FBXW4: variants seen among roughly 807,000 people sequenced by gnomAD.
FBXW4 encodes F-box and WD repeat domain containing 4, also known as F-box/WD repeat-containing protein 4.
In FBXW4, 40 loss-of-function variants were observed where a neutral mutation model predicts 61.8. The ratio of observed to expected loss-of-function variants is 0.65; its 90% CI spans 0.50 to 0.84. The LOEUF (loss-of-function observed/expected upper bound fraction) is 0.84, where lower values mean the gene tolerates loss of function less well. Ranked by LOEUF, FBXW4 falls within the 40% of genes least tolerant of loss-of-function variation. The pLI is 0.00. For synonymous variants in FBXW4, 311 were observed against 313.8 expected (o/e 0.99, Z 0.10); for missense variants, 672 against 753.8 (o/e 0.89, Z 1.27).
intron 1 of FBXW4, among the ~76,000 whole-genome samples, chr10:101,693,147 G>A (rs12262279): frequency 0.027 from 4,051 of 152,228 alleles, 188 homozygotes; most frequent in African/African-American, 0.089. Flanking sequence ...CCACTAAAGT[G>A]GCAAAGATTT....
intron 5 of FBXW4, among the ~76,000 whole-genome samples, chr10:101,636,817 G>C (rs1317902824): frequency 6.6e-6 from 1 of 152,024 alleles, no homozygotes; most frequent in East Asian, 1.9e-4. Context: ...CCGAACTCCT[G>C]ACCTCAGGTG....
chr10:101,624,662 A>T, intron 6 of FBXW4, 83 bp downstream of exon 6: 3 of 1,486,082 alleles, frequency 2.0e-6, no homozygotes, highest in Non-Finnish European at 1.9e-6. Context: ...TGGACCACTC[A>T]GCCAACTGAG....
At chr10:101,635,861 A>G in intron 5 of FBXW4, among the ~76,000 whole-genome samples, 1 of 149,074 alleles carries the variant, frequency 6.7e-6, no homozygotes, top group African/African-American at 2.5e-5. Context: ...AAAAAAAGAG[A>G]GATGGAGGGG....
intron 6 of FBXW4, among the ~76,000 whole-genome samples, chr10:101,619,655 T>C (rs1334364388): frequency 6.8e-6 from 1 of 147,566 alleles, no homozygotes; most frequent in Non-Finnish European, 1.5e-5. Flanking sequence ...CAAGACTCTG[T>C]CTCAAAAAAA....
At chr10:101,653,780 A>G (rs1001163621) in intron 5 of FBXW4, among the ~76,000 whole-genome samples, 18 of 152,132 alleles carry the variant, frequency 1.2e-4, no homozygotes, top group African/African-American at 4.3e-4. Context: ...CTTGTGTTTC[A>G]TACTTCCCAT....
At chr10:101,621,352 C>T (rs1028224267) in intron 6 of FBXW4, among the ~76,000 whole-genome samples, 1 of 152,192 alleles carries the variant, frequency 6.6e-6, no homozygotes, top group Admixed American at 6.5e-5. Context: ...CATAGCGAGA[C>T]CTTGTCTCTA....
intron 5 of FBXW4, among the ~76,000 whole-genome samples, chr10:101,646,028 GGCACTTCATCA>G (rs1268410269): frequency 6.6e-6 from 1 of 152,152 alleles, no homozygotes; most frequent in Admixed American, 6.5e-5. Flanking sequence ...CATAGTGCCT[GGCACTTCATCA>G]GCACTCTACA....
chr10:101,683,715 C>G (rs894898155), intron 1 of FBXW4, among the ~76,000 whole-genome samples: 59 of 152,114 alleles, frequency 3.9e-4, no homozygotes, highest in African/African-American at 1.4e-3. Context: ...GATCAGAAAA[C>G]TCCTGGAACA....
chr10:101,629,457 T>G (rs1379844257), intron 5 of FBXW4, among the ~76,000 whole-genome samples: 1 of 152,090 alleles, frequency 6.6e-6, no homozygotes, highest in African/African-American at 2.4e-5. Context: ...CTAATTTTTG[T>G]ATTTTTAGTA....
intron 5 of FBXW4, among the ~76,000 whole-genome samples, chr10:101,633,069 G>T (rs2063971780): frequency 6.6e-6 from 1 of 152,180 alleles, no homozygotes; most frequent in African/African-American, 2.4e-5. Context: ...GTGATCCAGA[G>T]TGAGTTATTC....
At chr10:101,690,688 G>C (rs1049256868) in intron 1 of FBXW4, among the ~76,000 whole-genome samples, 3 of 152,208 alleles carry the variant, frequency 2.0e-5, no homozygotes, top group Non-Finnish European at 4.4e-5. Context: ...CTTGCCCTGG[G>C]CCGGAAGGTC....
chr10:101,614,696 G>T (rs1195001525), intron 6 of FBXW4, among the ~76,000 whole-genome samples: 1 of 152,202 alleles, frequency 6.6e-6, no homozygotes, highest in Non-Finnish European at 1.5e-5. Flanking sequence ...CCAATGAAAA[G>T]ATACAATTTC....
intron 6 of FBXW4, among the ~76,000 whole-genome samples, chr10:101,616,266 C>T (rs1471749744): frequency 2.0e-5 from 3 of 152,216 alleles, no homozygotes; most frequent in Admixed American, 6.5e-5. Context: ...CTGGGCCCAA[C>T]ATGGCTGCAA....
At chr10:101,612,940 T>C (rs534875727) in intron 6 of FBXW4, 40 of 153,672 alleles carry the variant, frequency 2.6e-4, no homozygotes, top group African/African-American at 7.9e-4. Context: ...TCAAACCTCA[T>C]TGGGGATAAA....
chr10:101,613,822 A>G (rs2134798596), intron 6 of FBXW4, among the ~76,000 whole-genome samples: 1 of 151,938 alleles, frequency 6.6e-6, no homozygotes, highest in Non-Finnish European at 1.5e-5. Flanking sequence ...GCCAGGGGGG[A>G]ATTAATCCCC....
chr10:101,694,977 T>TCCCTTC lies in FBXW4; in HGVS notation c.123_128dup (p.Gly43_Lys44dup), dbSNP rs998070360. The TCCCTTC allele has an allele frequency of 8.5e-6, 10 of 1,181,480 alleles. No individual in the cohort carries two copies. The highest frequency in any genetic ancestry group is 6.3e-5 in the African/African-American group (4 of 63,176). The allele number at this position is 1,181,480 out of a possible 1,614,324, so 73.2% of individuals were successfully genotyped here. The stretch of plus-strand genomic sequence containing the variant: ...TTCCGCCTTGCCCCGCTCTCGCTTT[T>TCCCTTC]CCCTTCCCCTTCCCCTTCCTTCGCT... On this transcript the variant is annotated inframe_insertion, in exon 1 of 9. Coordinates refer to ENST00000331272, the MANE Select transcript of FBXW4 (RefSeq NM_022039.4). The surrounding 1 kb of genome is among the most constrained non-coding windows in gnomAD (Gnocchi z 6.0).
chr10:101,657,639 CAAAAA>C (rs35721394), intron 5 of FBXW4, among the ~76,000 whole-genome samples: 1 of 56,136 alleles, frequency 1.8e-5, no homozygotes, highest in Non-Finnish European at 3.0e-5. Context: ...GACTCTGTCT[CAAAAA>C]AAAAAAAAAA....
Position 101,672,952 on chromosome 10 carries a change from C to A in FBXW4, c.1103G>T (p.Gly368Val). 6.2e-7 allele frequency: 1 copy of A among 1,614,042 alleles called. No homozygotes were observed. The highest frequency in any genetic ancestry group is 8.5e-7 in the Non-Finnish European group (1 of 1,180,006). ...QEVNCVDCKGGIIVSGSRDRT... is the reference protein window; with the variant it reads ...QEVNCVDCKGVIIVSGSRDRT... ...GTCCCTGGAGCCACTCACAATGATG[C>A]CCCCTTTGCAATCCACACAGTTCAC... Residue 368 changes from glycine to valine, a missense_variant, in exon 4 of 9, where the codon GGC (glycine) becomes GTC (valine). Physicochemically the swap from Gly to Val is moderately radical, Grantham distance 109 (BLOSUM62 -3). Transcript: ENST00000331272.
At chr10:101,687,701 C>T (rs889628164) in intron 1 of FBXW4, among the ~76,000 whole-genome samples, 2 of 152,152 alleles carry the variant, frequency 1.3e-5, no homozygotes, top group Non-Finnish European at 2.9e-5. Flanking sequence ...AAATACGAAT[C>T]CCCCTCCAGG....
Sources: allele counts gnomAD v4.1 joint callset (sites outside exome capture counted in the v4.1 genomes callset), GRCh38; gene constraint gnomAD v4.1.1; non-coding constraint Gnocchi (gnomAD v3.1); transcripts MANE v1.5; gene names NCBI Gene and HGNC (gene_info 2026-07-23, HGNC 2026-07-21).